GNAO1: variants seen among roughly 807,000 people sequenced by gnomAD.
GNAO1 encodes the protein guanine nucleotide-binding protein G(o) subunit alpha.
For synonymous variants in GNAO1, 164 were observed against 180.7 expected, an observed-to-expected ratio of 0.91 and a Z score of 0.74; for missense variants, 166 against 478.7, an observed-to-expected ratio of 0.35 and a Z score of 6.10.
chr16:56,203,822 C>G (rs150401501), intron 2 of GNAO1, among the ~76,000 whole-genome samples: 107 of 152,246 alleles, frequency 7.0e-4, no homozygotes, highest in African/African-American at 2.4e-3. Context: ...CAGGACACCA[C>G]CAGGGAGTAG....
chr16:56,196,136 T>C (rs903103222), intron 2 of GNAO1, among the ~76,000 whole-genome samples: 4 of 149,974 alleles, frequency 2.7e-5, no homozygotes, highest in East Asian at 1.9e-4. Context: ...TGTTTTGGGT[T>C]CCCCCCCCCT....
intron 3 of GNAO1, among the ~76,000 whole-genome samples, chr16:56,288,377 G>A (rs930397200): frequency 1.3e-5 from 2 of 152,184 alleles, no homozygotes; most frequent in Non-Finnish European, 2.9e-5. Flanking sequence ...GATTGGCACC[G>A]GTGGGGTCTC....
chr16:56,345,943 C>G, intron 6 of GNAO1: 1 of 985,556 alleles, frequency 1.0e-6, no homozygotes, highest in South Asian at 4.7e-5. Flanking sequence ...TCCATGTCCC[C>G]CAGCAGCCGC....
chr16:56,264,309 G>A (rs1370789777), intron 2 of GNAO1, among the ~76,000 whole-genome samples: 8 of 152,270 alleles, frequency 5.3e-5, no homozygotes, highest in African/African-American at 1.9e-4. Context: ...CAGAGCTCTA[G>A]CAGGCAGTTC....
At chr16:56,197,159 C>T (rs1390595261) in intron 2 of GNAO1, among the ~76,000 whole-genome samples, 1 of 152,212 alleles carries the variant, frequency 6.6e-6, no homozygotes, top group African/African-American at 2.4e-5. Context: ...CAACCTACAG[C>T]CATTACTCCA....
At chr16:56,307,114 TC>T in intron 3 of GNAO1, 1 of 152,314 alleles carries the variant, frequency 6.6e-6, no homozygotes, top group Non-Finnish European at 1.5e-5. Context: ...CACCCAAGTC[TC>T]CCCCAGGAGC....
intron 2 of GNAO1, among the ~76,000 whole-genome samples, chr16:56,204,900 G>A (rs867757364): frequency 1.3e-5 from 2 of 152,058 alleles, no homozygotes; most frequent in Non-Finnish European, 2.9e-5. Context: ...ACTGGATCGC[G>A]TGATCTATAA....
rs919740076 is a variant in GNAO1 at position 56,311,761 on chromosome 16, A to T, written c.304-16870A>T. 1.3e-5 allele frequency among the ~76,000 whole-genome samples: 2 copies of T among 151,052 alleles called. No individual in the cohort carries two copies. Among genetic ancestry groups the T allele is most frequent in the Admixed American group, 1.3e-4 (2 of 15,212 alleles). On this transcript the variant is annotated intron_variant, in intron 3 of 8. Coordinates refer to ENST00000262493, the MANE Select transcript of GNAO1 (RefSeq NM_020988.3). This position sits in a 1 kb window ranked among gnomAD's most constrained non-coding sequence, Gnocchi z 5.2. ...CAGCCCTGGCTCCACTGGGCTGTCC[A>T]CCTCCTGCCCCGCCCAGCACGGCCC... is the stretch of plus-strand genomic sequence containing the variant.
At chr16:56,352,086 TCCCTCCCCAAC>T (rs2037927615) in intron 7 of GNAO1, 1 of 151,234 alleles carries the variant, frequency 6.6e-6, no homozygotes, top group South Asian at 2.1e-4. Flanking sequence ...GTGCCTGCCC[TCCCTCCCCAAC>T]CCCAGCCCCA....
intron 2 of GNAO1, among the ~76,000 whole-genome samples, chr16:56,268,989 T>C (rs2036985642): frequency 6.6e-6 from 1 of 152,096 alleles, no homozygotes; most frequent in African/African-American, 2.4e-5. Context: ...AGGGGCCACG[T>C]CCCATTACTG....
intron 3 of GNAO1, among the ~76,000 whole-genome samples, chr16:56,277,927 A>G (rs1567466478): frequency 6.6e-6 from 1 of 152,148 alleles, no homozygotes; most frequent in Non-Finnish European, 1.5e-5. Flanking sequence ...ATAACCCAGC[A>G]AAGTCAGTGT....
chr16:56,313,850 T>C (rs2037482689), intron 3 of GNAO1, among the ~76,000 whole-genome samples: 1 of 152,122 alleles, frequency 6.6e-6, no homozygotes, highest in Admixed American at 6.5e-5. Flanking sequence ...GCCTCCCCAG[T>C]AGCTGGGACT....
chr16:56,205,462 C>T (rs2036318467), intron 2 of GNAO1, among the ~76,000 whole-genome samples: 1 of 152,178 alleles, frequency 6.6e-6, no homozygotes, highest in African/African-American at 2.4e-5. Context: ...CCCTGGTACT[C>T]TGTGGCCTCA....
At chr16:56,204,025 G>C (rs1339198618) in intron 2 of GNAO1, among the ~76,000 whole-genome samples, 2 of 152,226 alleles carry the variant, frequency 1.3e-5, no homozygotes, top group Non-Finnish European at 2.9e-5. Context: ...TCTGTAGTCT[G>C]ACCTAAGGAA....
At chr16:56,341,542 T>A (rs754599355) in intron 6 of GNAO1, among the ~76,000 whole-genome samples, 1 of 152,244 alleles carries the variant, frequency 6.6e-6, no homozygotes, top group African/African-American at 2.4e-5. Flanking sequence ...TCCCTGCCTG[T>A]CTGCTCTTGC....
chr16:56,203,293 G>A (rs1249084703), intron 2 of GNAO1, among the ~76,000 whole-genome samples: 1 of 152,064 alleles, frequency 6.6e-6, no homozygotes, highest in African/African-American at 2.4e-5. Flanking sequence ...GCCATTCACA[G>A]CATCTCATTC....
chr16:56,263,156 G>A (rs916837662), intron 2 of GNAO1, among the ~76,000 whole-genome samples: 5 of 152,242 alleles, frequency 3.3e-5, no homozygotes, highest in Non-Finnish European at 5.9e-5. Context: ...AGACTATTCA[G>A]TCCGCAAGGT....
At chr16:56,346,563 G>A (rs1332889578) in intron 6 of GNAO1, 3 of 985,310 alleles carry the variant, frequency 3.0e-6, no homozygotes. Context: ...AGGTCCCCAA[G>A]GCTCTCTGGC....
chr16:56,300,034 TGTGCGC>T (rs1242468287), intron 3 of GNAO1, among the ~76,000 whole-genome samples: 4 of 95,090 alleles, frequency 4.2e-5, no homozygotes, highest in African/African-American at 2.0e-4. Flanking sequence ...TGTGTGTGTG[TGTGCGC>T]GCGCGCGCGC....
Sources: allele counts gnomAD v4.1 joint callset (sites outside exome capture counted in the v4.1 genomes callset), GRCh38; gene constraint gnomAD v4.1.1; non-coding constraint Gnocchi (gnomAD v3.1); transcripts MANE v1.5; gene names NCBI Gene and HGNC (gene_info 2026-07-23, HGNC 2026-07-21).